Variants in RALYL observed in about 807,000 individuals in gnomAD.
RALYL encodes RALY RNA binding protein like, also known as RNA-binding Raly-like protein.
Under a neutral mutation model 35.1 loss-of-function variants are expected in RALYL, and 29 were observed. That is an observed-to-expected ratio of 0.83 (90% confidence interval 0.61 to 1.13). The LOEUF is 1.13. Ranked by LOEUF, RALYL falls within the 50% of genes most tolerant of loss-of-function variation. RALYL has a pLI of 0.00. For missense variants in RALYL, 359 were observed against 360.4 expected (o/e 1.00, Z 0.03); for synonymous variants, 120 against 127.6 (o/e 0.94, Z 0.40).
chr8:84,582,582 G>T (rs1811084803), intron 2 of RALYL, among the ~76,000 whole-genome samples: 1 of 151,970 alleles, frequency 6.6e-6, no homozygotes. Flanking sequence ...TTTCAAATAT[G>T]CAGTATTTTC....
intron 1 of RALYL, among the ~76,000 whole-genome samples, chr8:84,358,469 ATTG>A (rs1271239616): frequency 6.6e-6 from 1 of 151,998 alleles, no homozygotes; most frequent in Non-Finnish European, 1.5e-5. Flanking sequence ...GATGTTGTTT[ATTG>A]TTGTGATGTT....
chr8:84,444,973 G>A (rs538705064), intron 1 of RALYL, among the ~76,000 whole-genome samples: 65 of 152,010 alleles, frequency 4.3e-4, no homozygotes, highest in Non-Finnish European at 8.7e-4. Flanking sequence ...TTAAGTACCA[G>A]GAAAGGGTTT....
At chr8:84,907,145 A>T (rs1441900655) in intron 8 of RALYL, 2 of 191,980 alleles carry the variant, frequency 1.0e-5, no homozygotes, top group East Asian at 3.7e-4. Flanking sequence ...TCCTAAAAGT[A>T]AACCTTCCTA....
At chr8:84,790,834 A>G (rs1820599860) in intron 3 of RALYL, among the ~76,000 whole-genome samples, 1 of 152,188 alleles carries the variant, frequency 6.6e-6, no homozygotes, top group Non-Finnish European at 1.5e-5. Flanking sequence ...CATCTGCCTT[A>G]TTTGAACATG....
At chr8:84,413,311 A>C (rs371003570) in intron 1 of RALYL, among the ~76,000 whole-genome samples, 36 of 151,628 alleles carry the variant, frequency 2.4e-4, no homozygotes, top group East Asian at 1.9e-3. Flanking sequence ...ACTAATTCCA[A>C]AGAATTATAA....
At chr8:84,855,613 G>A (rs1192866573) in intron 5 of RALYL, among the ~76,000 whole-genome samples, 1 of 152,162 alleles carries the variant, frequency 6.6e-6, no homozygotes, top group Non-Finnish European at 1.5e-5. Context: ...GACTCTAAAT[G>A]TAGGACATTG....
intron 1 of RALYL, among the ~76,000 whole-genome samples, chr8:84,202,933 A>G (rs1380495279): frequency 6.6e-6 from 1 of 152,232 alleles, no homozygotes; most frequent in African/African-American, 2.4e-5. Flanking sequence ...GTAATTTATC[A>G]TTCATAGGTG....
At chr8:84,807,155 C>G (rs994074070) in intron 4 of RALYL, among the ~76,000 whole-genome samples, 2 of 152,122 alleles carry the variant, frequency 1.3e-5, no homozygotes, top group African/African-American at 4.8e-5. Context: ...TTAGCCCTCA[C>G]CCCCCTCCCA....
intron 2 of RALYL, among the ~76,000 whole-genome samples, chr8:84,763,034 T>C (rs761876124): frequency 2.0e-5 from 3 of 152,196 alleles, no homozygotes; most frequent in Non-Finnish European, 4.4e-5. Context: ...ATTCTAGGGT[T>C]GTATACTTCT....
intron 2 of RALYL, among the ~76,000 whole-genome samples, chr8:84,590,469 G>T (rs551474875): frequency 6.6e-6 from 1 of 152,294 alleles, no homozygotes; most frequent in Non-Finnish European, 1.5e-5. Flanking sequence ...GAGTTTCAAT[G>T]ATCATTTGTT....
intron 1 of RALYL, among the ~76,000 whole-genome samples, chr8:84,381,080 A>G (rs1857899293): frequency 6.6e-6 from 1 of 151,854 alleles, no homozygotes; most frequent in African/African-American, 2.4e-5. Context: ...GTACAATCCC[A>G]GTAAGAGAAG....
At chr8:84,900,808 T>C (rs976708403) in intron 8 of RALYL, among the ~76,000 whole-genome samples, 1 of 152,038 alleles carries the variant, frequency 6.6e-6, no homozygotes, top group Non-Finnish European at 1.5e-5. Context: ...ATAGCAAAAA[T>C]AGCAATGGAT....
chr8:84,339,596 T>C (rs1267185419), intron 1 of RALYL, among the ~76,000 whole-genome samples: 1 of 151,928 alleles, frequency 6.6e-6, no homozygotes, highest in East Asian at 1.9e-4. Context: ...AGAAATAAAG[T>C]GTACAACACA....
chr8:84,472,821 A>T (rs1037433557), intron 1 of RALYL, among the ~76,000 whole-genome samples: 2 of 152,198 alleles, frequency 1.3e-5, no homozygotes, highest in African/African-American at 4.8e-5. Flanking sequence ...TCATTCTAAC[A>T]GCTCTGAAAG....
chr8:84,904,726 C>T (rs1412696052), intron 8 of RALYL, among the ~76,000 whole-genome samples: 2 of 152,060 alleles, frequency 1.3e-5, no homozygotes, highest in Non-Finnish European at 2.9e-5. Context: ...CTACAAATTG[C>T]ATTGGTTAAA....
At chr8:84,862,929 T>C (rs1838410466) in intron 6 of RALYL, among the ~76,000 whole-genome samples, 1 of 152,198 alleles carries the variant, frequency 6.6e-6, no homozygotes, top group African/African-American at 2.4e-5. Flanking sequence ...TATGATAAGA[T>C]ATATGTATCT....
intron 1 of RALYL, among the ~76,000 whole-genome samples, chr8:84,191,577 A>G (rs868615738): frequency 2.0e-4 from 30 of 152,280 alleles, no homozygotes; most frequent in South Asian, 4.1e-4. Flanking sequence ...TGAGCCTGGG[A>G]CAACTCACTG....
At chr8:84,483,763 A>G (rs568569419) in intron 1 of RALYL, among the ~76,000 whole-genome samples, 1 of 152,250 alleles carries the variant, frequency 6.6e-6, no homozygotes, top group South Asian at 2.1e-4. Flanking sequence ...GCTGAGTTGC[A>G]ATTGAAAGCC....
intron 1 of RALYL, among the ~76,000 whole-genome samples, chr8:84,349,465 G>C (rs1050583793): frequency 6.7e-6 from 1 of 150,112 alleles, no homozygotes; most frequent in Admixed American, 6.6e-5. Flanking sequence ...CTAAATTTTG[G>C]TTATCATAAG....
Sources: allele counts gnomAD v4.1 joint callset (sites outside exome capture counted in the v4.1 genomes callset), GRCh38; gene constraint gnomAD v4.1.1; transcripts MANE v1.5; gene names NCBI Gene and HGNC (gene_info 2026-07-23, HGNC 2026-07-21).